ZBBX: variants seen among roughly 807,000 people sequenced by gnomAD.
ZBBX encodes zinc finger B-box domain-containing protein 1.
ZBBX carries 101 observed loss-of-function variants against 108.5 expected under a neutral mutation model. That is an observed-to-expected ratio of 0.93 (90% CI 0.79 to 1.10). ZBBX has a LOEUF of 1.10. Among genes scored for constraint, ZBBX ranks in the 50% least tolerant of loss-of-function variants. The pLI, the probability that ZBBX is intolerant of heterozygous loss-of-function variation, is 0.00. For missense variants in ZBBX, 1,009 were observed against 941.4 expected, an observed-to-expected ratio of 1.07 and a Z score of -0.94; for synonymous variants, 356 against 323.4, an observed-to-expected ratio of 1.10 and a Z score of -1.08.
chr3:167,266,429 C>A (rs950006138), intron 20 of ZBBX, among the ~76,000 whole-genome samples: 3 of 152,154 alleles, frequency 2.0e-5, no homozygotes, highest in Non-Finnish European at 2.9e-5. Context: ...CAGCTTACCC[C>A]CTTCCCGTCA....
At chr3:167,259,859 A>T (rs1444180489) in intron 20 of ZBBX, among the ~76,000 whole-genome samples, 3 of 152,084 alleles carry the variant, frequency 2.0e-5, no homozygotes, top group African/African-American at 7.2e-5. Context: ...TTCAATTTTT[A>T]AAAAATTTAT....
At chr3:167,235,948 T>C (rs1249672654), downstream of ZBBX, among the ~76,000 whole-genome samples, 1 of 151,662 alleles carries the variant, frequency 6.6e-6, no homozygotes, top group African/African-American at 2.4e-5. Flanking sequence ...GAAATAAACA[T>C]TGTTTTCATG....
At chr3:167,388,985 T>C (rs1045832740) in intron 1 of ZBBX, among the ~76,000 whole-genome samples, 14 of 152,068 alleles carry the variant, frequency 9.2e-5, no homozygotes, top group African/African-American at 3.4e-4. Flanking sequence ...TTTTGCTTTA[T>C]GTTCTGGAAT....
At chr3:167,342,161 A>C (rs1362584076) in intron 9 of ZBBX, among the ~76,000 whole-genome samples, 1 of 151,874 alleles carries the variant, frequency 6.6e-6, no homozygotes, top group Non-Finnish European at 1.5e-5. Context: ...TATGACAATT[A>C]GATAATTGGT....
At chr3:167,342,088 C>T (rs1033447493) in intron 9 of ZBBX, among the ~76,000 whole-genome samples, 1 of 151,646 alleles carries the variant, frequency 6.6e-6, no homozygotes, top group African/African-American at 2.4e-5. Flanking sequence ...GAAGAATAAA[C>T]TTACTAACAA....
chr3:167,242,564 A>T lies in ZBBX; in HGVS notation c.2334T>A (p.Ile778=), dbSNP rs1402006333. 4 of 1,613,692 alleles carry T rather than the reference A, an allele frequency of 2.5e-6. No individual in the cohort carries two copies. In the Admixed American group the frequency reaches 6.7e-5, roughly 27 times the overall value. The part of the protein sequence containing the change: ...FSSQSLNISQ[I]STDFLKTSHV... ...GTGAGGTCTTAAGGAAATCTGTGGAAATCTGACTTATATTCAGTGATTGGC... is the reference window on the plus strand; with the variant it reads ...GTGAGGTCTTAAGGAAATCTGTGGATATCTGACTTATATTCAGTGATTGGC... The change falls in exon 21 of 22, where the codon ATT becomes ATA. Residue 778 remains isoleucine, a synonymous_variant. Coordinates refer to ENST00000675490, the MANE Select transcript of ZBBX (RefSeq NM_001199201.2).
At chr3:167,403,789 T>A (rs921589520) in intron 1 of ZBBX, among the ~76,000 whole-genome samples, 1 of 151,524 alleles carries the variant, frequency 6.6e-6, no homozygotes, top group South Asian at 2.1e-4. Context: ...AAAAATAAAA[T>A]GAAGAAGTAT....
chr3:167,202,782 T>G, the ZBBX span, among the ~76,000 whole-genome samples: 2 of 152,162 alleles, frequency 1.3e-5, no homozygotes. Flanking sequence ...TTTACCACTC[T>G]TGGTAGAAAT....
chr3:167,311,067 A>G (rs1015282673), intron 16 of ZBBX, among the ~76,000 whole-genome samples: 27 of 152,220 alleles, frequency 1.8e-4, no homozygotes, highest in Non-Finnish European at 2.9e-5. Context: ...CTATAAATCT[A>G]TAACAATCAA....
chr3:167,345,894 C>T (rs1741365692), intron 9 of ZBBX, among the ~76,000 whole-genome samples: 1 of 151,844 alleles, frequency 6.6e-6, no homozygotes, highest in Non-Finnish European at 1.5e-5. Flanking sequence ...CACCCACCTT[C>T]CCAAGGTTTC....
At chr3:167,280,548 A>C (rs1230567009) in intron 20 of ZBBX, among the ~76,000 whole-genome samples, 3 of 150,710 alleles carry the variant, frequency 2.0e-5, no homozygotes, top group African/African-American at 7.3e-5. Context: ...TCAAAACCAC[A>C]ATGAGATACC....
chr3:167,270,648 G>A (rs770373061), intron 20 of ZBBX, among the ~76,000 whole-genome samples: 5 of 152,254 alleles, frequency 3.3e-5, no homozygotes, highest in Non-Finnish European at 7.4e-5. Context: ...CCACTCTGTT[G>A]CTGCTATGGC....
chr3:167,261,214 AC>A (rs1232884036), intron 20 of ZBBX, among the ~76,000 whole-genome samples: 1 of 152,114 alleles, frequency 6.6e-6, no homozygotes, highest in Non-Finnish European at 1.5e-5. Flanking sequence ...GGATACCAGC[AC>A]CTGTTCCAGT....
chr3:167,342,004 A>C (rs535268213), intron 9 of ZBBX, among the ~76,000 whole-genome samples: 1 of 151,970 alleles, frequency 6.6e-6, no homozygotes, highest in South Asian at 2.1e-4. Flanking sequence ...TCCATGAAAA[A>C]AATCATGAGC....
At chr3:167,384,386 A>G (rs1303185251), upstream of ZBBX, among the ~76,000 whole-genome samples, 3 of 152,082 alleles carry the variant, frequency 2.0e-5, no homozygotes, top group Non-Finnish European at 4.4e-5. Context: ...TTGTCTCTAC[A>G]TTTGATAGCT....
chr3:167,322,267 A>T, intron 11 of ZBBX, 30 bp from the exon 12 acceptor site: 1 of 1,420,424 alleles, frequency 7.0e-7, no homozygotes, highest in Non-Finnish European at 9.2e-7. Context: ...GTGCATAATT[A>T]AAATAAGCAA....
chr3:167,222,424 G>C, the ZBBX span, among the ~76,000 whole-genome samples: 1 of 151,778 alleles, frequency 6.6e-6, no homozygotes, highest in Admixed American at 6.6e-5. Flanking sequence ...GGGTAGTGGA[G>C]GGTAGGAGGT....
At chr3:167,294,228 G>T (rs767241584) in intron 18 of ZBBX, among the ~76,000 whole-genome samples, 1 of 152,000 alleles carries the variant, frequency 6.6e-6, no homozygotes, top group South Asian at 2.1e-4. Context: ...AAAAGAGCCC[G>T]CATGGCCAAG....
chr3:167,323,364 C>T (rs1456792372), intron 11 of ZBBX, among the ~76,000 whole-genome samples: 1 of 151,860 alleles, frequency 6.6e-6, no homozygotes, highest in African/African-American at 2.4e-5. Context: ...GCAGCTGGCC[C>T]GTGATTCACT....
Sources: allele counts gnomAD v4.1 joint callset (sites outside exome capture counted in the v4.1 genomes callset), GRCh38; gene constraint gnomAD v4.1.1; transcripts MANE v1.5; gene names NCBI Gene and HGNC (gene_info 2026-07-23, HGNC 2026-07-21).